The following SGTB variants were observed in gnomAD, a reference collection of about 807,000 sequenced individuals.
SGTB encodes the protein small glutamine rich tetratricopeptide repeat co-chaperone beta.
In SGTB, 19 loss-of-function variants were observed where a neutral mutation model predicts 43.9. The observed-to-expected ratio is 0.43, with a 90% CI of 0.30 to 0.63. The LOEUF (loss-of-function observed/expected upper bound fraction) is 0.63, where lower values mean the gene tolerates loss of function less well. Ranked by LOEUF, SGTB falls within the 30% of genes least tolerant of loss-of-function variation. The pLI, the probability that SGTB is intolerant of heterozygous loss-of-function variation, is 0.12. For missense variants in SGTB, 304 were observed against 358.9 expected (o/e 0.85, Z 1.24); for synonymous variants, 116 against 117.3 (o/e 0.99, Z 0.07).
intron 3 of SGTB, among the ~76,000 whole-genome samples, chr5:65,711,380 T>G (rs1758043817): frequency 6.6e-6 from 1 of 152,038 alleles, no homozygotes; most frequent in Admixed American, 6.5e-5. Flanking sequence ...AAAGTAGTTC[T>G]AATATCTTCA....
intron 5 of SGTB, among the ~76,000 whole-genome samples, chr5:65,702,936 G>A (rs1357220554): frequency 6.6e-6 from 1 of 152,190 alleles, no homozygotes; most frequent in African/African-American, 2.4e-5. Flanking sequence ...GATCAAGGGT[G>A]TAGCCAAAAC....
At chr5:65,693,700 G>A (rs1190124716) in intron 5 of SGTB, among the ~76,000 whole-genome samples, 1 of 152,066 alleles carries the variant, frequency 6.6e-6, no homozygotes, top group Non-Finnish European at 1.5e-5. Flanking sequence ...CCTAGACACT[G>A]AACTCGAAAC....
chr5:65,687,839 G>A (rs1244638148), intron 5 of SGTB, among the ~76,000 whole-genome samples: 1 of 152,186 alleles, frequency 6.6e-6, no homozygotes. Flanking sequence ...CGCGATCTCG[G>A]CTCACTGCAA....
intron 3 of SGTB, among the ~76,000 whole-genome samples, chr5:65,709,677 G>A (rs757403561): frequency 3.9e-5 from 6 of 151,940 alleles, no homozygotes; most frequent in African/African-American, 1.5e-4. Context: ...GCGCCCGGCC[G>A]TGTTTTCTTA....
chr5:65,707,236 C>A (rs1408294184), intron 4 of SGTB, among the ~76,000 whole-genome samples: 1 of 151,578 alleles, frequency 6.6e-6, no homozygotes, highest in East Asian at 1.9e-4. Context: ...GCACTCCAGC[C>A]GAGGTGGCAG....
chr5:65,699,733 T>C (rs62367750), intron 5 of SGTB, among the ~76,000 whole-genome samples: 1 of 152,222 alleles, frequency 6.6e-6, no homozygotes, highest in Non-Finnish European at 1.5e-5. Context: ...GCTGGGATTA[T>C]AGGCGTGAGC....
intron 5 of SGTB, among the ~76,000 whole-genome samples, chr5:65,692,778 A>G (rs2150712430): frequency 6.6e-6 from 1 of 152,296 alleles, no homozygotes; most frequent in East Asian, 1.9e-4. Flanking sequence ...CTTACATGTA[A>G]ATGGTATGAT....
chr5:65,710,061 T>C (rs1020956854), intron 3 of SGTB, among the ~76,000 whole-genome samples: 1 of 152,180 alleles, frequency 6.6e-6, no homozygotes, highest in Non-Finnish European at 1.5e-5. Context: ...TATTTTTTTT[T>C]AAATCATTAT....
intron 10 of SGTB, 63 bp downstream of exon 10, chr5:65,671,852 C>T (rs1182211005): frequency 8.2e-6 from 12 of 1,467,132 alleles, no homozygotes; most frequent in African/African-American, 1.4e-5. Flanking sequence ...GACCCCTCAC[C>T]ATAGAGATAG....
intron 1 of SGTB, among the ~76,000 whole-genome samples, chr5:65,721,305 A>AT (rs1301602358): frequency 2.0e-5 from 3 of 152,196 alleles, no homozygotes; most frequent in Non-Finnish European, 2.9e-5. Flanking sequence ...GAGGAAACAC[A>AT]TTCGCGAAAG....
intron 5 of SGTB, among the ~76,000 whole-genome samples, chr5:65,691,116 T>C (rs967365757): frequency 7.9e-5 from 12 of 152,152 alleles, no homozygotes; most frequent in Non-Finnish European, 8.8e-5. Flanking sequence ...AAGATACAAA[T>C]ATAAAATGGG....
intron 5 of SGTB, among the ~76,000 whole-genome samples, chr5:65,686,049 A>C (rs978395707): frequency 2.0e-5 from 3 of 152,246 alleles, no homozygotes; most frequent in Admixed American, 6.5e-5. Flanking sequence ...TGCCTAGATC[A>C]AAATCCCTGC....
At chr5:65,697,148 C>A (rs1457787848) in intron 5 of SGTB, among the ~76,000 whole-genome samples, 1 of 152,068 alleles carries the variant, frequency 6.6e-6, no homozygotes, top group Admixed American at 6.6e-5. Context: ...CTCAAAAAAA[C>A]CAAAGTGATC....
In SGTB at chr5:65,680,702, G is replaced by C. The variant is rs1421383239; in HGVS notation, c.572C>G (p.Ser191Ter). 1 of 1,614,040 alleles carries C rather than the reference G, an allele frequency of 6.2e-7. No individual in the cohort carries two copies. The highest frequency in any genetic ancestry group is 8.5e-7 in the Non-Finnish European group (1 of 1,179,992). ...DLDPENDSYK[S>*]NLKIAEQKLR... ...CTTCTGTTCTGCTATTTTCAGATTT[G>C]ACTTATAGGAATCATTTTCAGGGTC... Residue 191 changes from serine (S) to a stop codon, truncating the protein, a stop_gained, in exon 7 of 11, where the codon TCA (serine) becomes TGA (stop). Transcript: ENST00000381007. LOFTEE classifies it high-confidence loss of function.
chr5:65,678,095 A>C (rs931405822), intron 8 of SGTB, among the ~76,000 whole-genome samples: 1 of 152,154 alleles, frequency 6.6e-6, no homozygotes, highest in African/African-American at 2.4e-5. Flanking sequence ...TATCTAGAAA[A>C]CCCTATTGTC....
chr5:65,678,788 T>C (rs754969513), intron 8 of SGTB, among the ~76,000 whole-genome samples: 2 of 152,108 alleles, frequency 1.3e-5, no homozygotes, highest in East Asian at 1.9e-4. Context: ...TGGCTAGCCA[T>C]ATGGAGAAAA....
At position 65,666,111 on chromosome 5, in the gene SGTB, T is replaced by C. The variant is rs1757030657; in HGVS notation, c.*4135A>G. ...TTTCAAAATGATTAAGATTAAATGATGAAATAATATTTTATAGCCACTGCA... is the reference window on the plus strand; with the variant it reads ...TTTCAAAATGATTAAGATTAAATGACGAAATAATATTTTATAGCCACTGCA... On this transcript the variant is annotated 3_prime_UTR_variant, in exon 11 of 11. Transcript: ENST00000381007. 6.6e-6 allele frequency: 1 copy of C among 152,614 alleles called. No individual in the cohort carries two copies. Among genetic ancestry groups the C allele is most frequent in the Non-Finnish European group, 1.5e-5 (1 of 68,002 alleles). The allele number at this position is 152,614 out of a possible 1,614,324, so 9.5% of individuals were successfully genotyped here.
At chr5:65,720,113 C>T (rs1292305713) in intron 2 of SGTB, among the ~76,000 whole-genome samples, 4 of 139,510 alleles carry the variant, frequency 2.9e-5, no homozygotes, top group Non-Finnish European at 6.1e-5. Context: ...GATAGGGTCT[C>T]GCTCATGGCC....
chr5:65,693,647 C>G (rs910126584), intron 5 of SGTB, among the ~76,000 whole-genome samples: 1 of 152,092 alleles, frequency 6.6e-6, no homozygotes, highest in African/African-American at 2.4e-5. Flanking sequence ...TCCTAAAATT[C>G]ACTGAACCAA....
Sources: gnomAD v4.1 joint callset for allele counts (sites outside exome capture counted in the v4.1 genomes callset) on GRCh38, gnomAD v4.1.1 for gene constraint, MANE v1.5 for transcripts, NCBI Gene and HGNC (gene_info 2026-07-23, HGNC 2026-07-21) for gene names.